BMPR1B: variants seen among roughly 807,000 people sequenced by gnomAD.
BMPR1B encodes bone morphogenetic protein receptor type 1B, also known as bone morphogenetic protein receptor type-1B.
A neutral mutation model predicts 59.1 loss-of-function variants in BMPR1B; 12 were observed. The ratio of observed to expected loss-of-function variants is 0.20; its 90% CI spans 0.13 to 0.33. The LOEUF is 0.33. Ranked by LOEUF, BMPR1B falls within the 10% of genes least tolerant of loss-of-function variation. BMPR1B has a pLI of 1.00. For missense variants in BMPR1B, 550 were observed against 610.9 expected (o/e 0.90, Z 1.05); for synonymous variants, 237 against 207.3 (o/e 1.14, Z -1.23).
intron 3 of BMPR1B, among the ~76,000 whole-genome samples, chr4:95,047,662 G>A (rs1726150376): frequency 6.6e-6 from 1 of 152,160 alleles, no homozygotes; most frequent in African/African-American, 2.4e-5. Context: ...CAAGGGTGGG[G>A]TTGATTAAGC....
intron 2 of BMPR1B, among the ~76,000 whole-genome samples, chr4:94,882,703 C>T (rs1368577873): frequency 6.6e-6 from 1 of 152,116 alleles, no homozygotes; most frequent in Non-Finnish European, 1.5e-5. Flanking sequence ...TTGAAAGATA[C>T]AGTGTTTGTG....
chr4:94,941,651 T>C (rs1448198447), intron 2 of BMPR1B, among the ~76,000 whole-genome samples: 1 of 152,182 alleles, frequency 6.6e-6, no homozygotes, highest in Admixed American at 6.5e-5. Context: ...TACAGGACTT[T>C]TTCACGTATC....
chr4:94,779,253 A>C (rs1334617325), intron 1 of BMPR1B, among the ~76,000 whole-genome samples: 2 of 152,120 alleles, frequency 1.3e-5, no homozygotes, highest in African/African-American at 4.8e-5. Flanking sequence ...AATTTATTGA[A>C]TGTATCTATC....
chr4:94,789,776 A>C (rs970593178), intron 1 of BMPR1B, among the ~76,000 whole-genome samples: 5 of 151,286 alleles, frequency 3.3e-5, no homozygotes, highest in Non-Finnish European at 5.9e-5. Context: ...TATATATCTT[A>C]GTACAGTAAA....
chr4:94,799,537 C>T (rs1723323746), intron 1 of BMPR1B, among the ~76,000 whole-genome samples: 2 of 151,920 alleles, frequency 1.3e-5, no homozygotes, highest in South Asian at 4.2e-4. Flanking sequence ...CTCCTGACCT[C>T]ATGATCTGCC....
At chr4:94,917,620 C>G (rs1273212611) in intron 2 of BMPR1B, among the ~76,000 whole-genome samples, 1 of 152,126 alleles carries the variant, frequency 6.6e-6, no homozygotes, top group African/African-American at 2.4e-5. Flanking sequence ...CCCATATTAT[C>G]TTGGAAGTAA....
At chr4:95,140,617 G>A (rs1734161955) in intron 10 of BMPR1B, among the ~76,000 whole-genome samples, 2 of 151,812 alleles carry the variant, frequency 1.3e-5, no homozygotes, top group Non-Finnish European at 2.9e-5. Context: ...TAATTTCCCG[G>A]TCTTTGTCTG....
intron 3 of BMPR1B, among the ~76,000 whole-genome samples, chr4:94,997,614 G>C (rs6836504): frequency 0.96 from 145,581 of 152,298 alleles, 69,612 homozygotes; most frequent in Middle Eastern, 0.99. Flanking sequence ...GTTTTATCAT[G>C]TGAATCTTTG....
intron 4 of BMPR1B, among the ~76,000 whole-genome samples, chr4:95,110,740 G>A (rs528431826): frequency 6.6e-5 from 10 of 152,216 alleles, no homozygotes; most frequent in African/African-American, 2.4e-4. Context: ...AGGATTGGTG[G>A]CCTTCGTAGA....
intron 3 of BMPR1B, among the ~76,000 whole-genome samples, chr4:95,004,343 G>A (rs931482853): frequency 4.6e-5 from 7 of 152,078 alleles, no homozygotes; most frequent in African/African-American, 1.7e-4. Flanking sequence ...TAACAATTCT[G>A]CTGTACTTCA....
chr4:94,929,859 G>A (rs1323704199), intron 2 of BMPR1B, among the ~76,000 whole-genome samples: 1 of 152,004 alleles, frequency 6.6e-6, no homozygotes, highest in East Asian at 1.9e-4. Context: ...AGCTAACCTC[G>A]TCTTCCCTTC....
At chr4:94,772,472 G>A (rs1472337443) in intron 1 of BMPR1B, among the ~76,000 whole-genome samples, 1 of 152,062 alleles carries the variant, frequency 6.6e-6, no homozygotes, top group African/African-American at 2.4e-5. Flanking sequence ...GATGTTAAAA[G>A]TAAAATAGCA....
intron 3 of BMPR1B, among the ~76,000 whole-genome samples, chr4:95,072,469 G>C (rs1345727722): frequency 2.6e-5 from 4 of 152,102 alleles, no homozygotes; most frequent in African/African-American, 9.7e-5. Flanking sequence ...TGAGCAAGAA[G>C]GTCAGACATT....
intron 1 of BMPR1B, among the ~76,000 whole-genome samples, chr4:94,784,911 C>T (rs940900943): frequency 2.0e-5 from 3 of 152,166 alleles, no homozygotes; most frequent in Admixed American, 1.3e-4. Flanking sequence ...GGGTAAGAGT[C>T]ATAACAAATT....
chr4:94,873,393 C>T (rs1160656421), intron 1 of BMPR1B, among the ~76,000 whole-genome samples: 2 of 150,546 alleles, frequency 1.3e-5, no homozygotes, highest in African/African-American at 4.9e-5. Context: ...CTTACCCATA[C>T]TTCAAGGCTA....
chr4:94,773,209 C>T (rs1019575367), intron 1 of BMPR1B, among the ~76,000 whole-genome samples: 3 of 152,074 alleles, frequency 2.0e-5, no homozygotes, highest in Non-Finnish European at 4.4e-5. Context: ...CTGGACTGAT[C>T]ACTTAAAATG....
At chr4:95,062,779 T>A (rs1260308978) in intron 3 of BMPR1B, among the ~76,000 whole-genome samples, 3 of 152,184 alleles carry the variant, frequency 2.0e-5, no homozygotes, top group Non-Finnish European at 4.4e-5. Context: ...GCAATTGCTG[T>A]AGAATGTTTT....
intron 4 of BMPR1B, among the ~76,000 whole-genome samples, chr4:95,107,279 A>T (rs1034821813): frequency 3.3e-5 from 5 of 152,026 alleles, no homozygotes; most frequent in Non-Finnish European, 5.9e-5. Context: ...GCTATGTTGG[A>T]TCTATTAGAG....
intron 3 of BMPR1B, among the ~76,000 whole-genome samples, chr4:95,059,388 T>G (rs2149201717): frequency 6.6e-6 from 1 of 152,302 alleles, no homozygotes; most frequent in Non-Finnish European, 1.5e-5. Context: ...AAATATTTCC[T>G]ACTTAATTTC....
Sources: allele counts gnomAD v4.1 joint callset (sites outside exome capture counted in the v4.1 genomes callset), GRCh38; gene constraint gnomAD v4.1.1; transcripts MANE v1.5; gene names NCBI Gene and HGNC (gene_info 2026-07-23, HGNC 2026-07-21).